The following PPHLN1 variants were observed in gnomAD, a reference collection of about 807,000 sequenced individuals.
The protein encoded by PPHLN1 is periphilin 1, also known as periphilin-1.
In PPHLN1, 29 loss-of-function variants were observed where a neutral mutation model predicts 51.3. The observed-to-expected ratio is 0.57, with a 90% confidence interval of 0.42 to 0.77. PPHLN1 has a LOEUF of 0.77. PPHLN1 is among the 30% of genes least tolerant of loss of function. PPHLN1 has a pLI of 0.00. For missense variants in PPHLN1, 436 were observed against 438.4 expected, an observed-to-expected ratio of 0.99 and a Z score of 0.05; for synonymous variants, 147 against 147.8, an observed-to-expected ratio of 0.99 and a Z score of 0.04.
chr12:42,441,484 C>T lies in PPHLN1; in HGVS notation c.1079C>T (p.Thr360Ile), dbSNP rs1408041063. ...KHFIAEYDTSTQDFGEPF is the reference protein window; with the variant it reads ...KHFIAEYDTSIQDFGEPF Reference sequence around the variant, plus strand: ...TTCATTGCAGAGTATGATACTTCCACTCAAGATTTTGGAGAGCCTTTTTAG... The same window carrying T: ...TTCATTGCAGAGTATGATACTTCCATTCAAGATTTTGGAGAGCCTTTTTAG... The change falls in exon 10 of 10, where the codon ACT (threonine) becomes ATT (isoleucine). Residue 360 changes from threonine (T) to isoleucine (I), a missense_variant. By Grantham distance (89) the Thr-to-Ile change is moderately conservative (BLOSUM62 -1). Transcript: ENST00000358314. 1.3e-6 allele frequency: 2 copies of T among 1,599,854 alleles called. No individual in the cohort carries two copies. Among genetic ancestry groups the T allele is most frequent in the South Asian group, 1.1e-5 (1 of 87,332 alleles).
At chr12:42,444,977 C>T, downstream of PPHLN1, 1 of 688,520 alleles carries the variant, frequency 1.5e-6, no homozygotes, top group Non-Finnish European at 2.6e-6. Context: ...TAATATTGGC[C>T]CTAGAAACTT....
chr12:42,428,662 G>A (rs922670517), intron 9 of PPHLN1, among the ~76,000 whole-genome samples: 2 of 151,990 alleles, frequency 1.3e-5, no homozygotes, highest in African/African-American at 4.8e-5. Flanking sequence ...CACATATTGG[G>A]TGCAGTGTAT....
chr12:42,373,236 T>C (rs909730521), intron 4 of PPHLN1, among the ~76,000 whole-genome samples: 10 of 152,236 alleles, frequency 6.6e-5, no homozygotes, highest in African/African-American at 2.4e-4. Flanking sequence ...TTAATACCCA[T>C]ATCACCACTC....
intron 9 of PPHLN1, among the ~76,000 whole-genome samples, chr12:42,438,479 CAA>C (rs1174802040): frequency 6.6e-6 from 1 of 152,184 alleles, no homozygotes; most frequent in African/African-American, 2.4e-5. Flanking sequence ...TTCCTAATAA[CAA>C]ATGATGTTGA....
chr12:42,398,201 T>C (rs539926487), intron 8 of PPHLN1, among the ~76,000 whole-genome samples: 1 of 152,340 alleles, frequency 6.6e-6, no homozygotes, highest in South Asian at 2.1e-4. Flanking sequence ...ACAGTATATT[T>C]ATTCATTTTT....
At chr12:42,338,523 CAGGAAAGGCTT>C (rs1172846348) in intron 2 of PPHLN1, among the ~76,000 whole-genome samples, 17 of 152,162 alleles carry the variant, frequency 1.1e-4, no homozygotes, top group Admixed American at 1.0e-3. Context: ...GGTTGAGGGA[CAGGAAAGGCTT>C]AGGAAAGGCT....
Position 42,441,218 on chromosome 12 carries a change from T to G in PPHLN1, c.910-97T>G, listed in dbSNP as rs918126240. ...TCCGCTTTCTTTTTTGTGTCTCTCTTTTAGATGTCAGCATCATAATTCTGC... is the reference window on the plus strand; with the variant it reads ...TCCGCTTTCTTTTTTGTGTCTCTCTGTTAGATGTCAGCATCATAATTCTGC... On this transcript the variant is annotated intron_variant, in intron 9 of 9. Transcript: ENST00000358314. The G allele has an allele frequency of 3.5e-6, 5 of 1,431,982 alleles. No homozygotes were observed. In the East Asian group the frequency reaches 9.3e-5, roughly 27 times the overall value. The allele number at this position is 1,431,982 out of a possible 1,614,324, so 88.7% of individuals were successfully genotyped here. A position where few individuals can be genotyped will look rare whatever the true frequency, so the allele number is the denominator to read the frequency against.
downstream of PPHLN1, chr12:42,446,885 A>C (rs749392628): frequency 7.6e-5 from 31 of 408,954 alleles, no homozygotes; most frequent in Non-Finnish European, 1.2e-4. Context: ...TATCTAGATA[A>C]GTTTGTTTAC....
At chr12:42,326,716 C>T (rs1241656442) in intron 1 of PPHLN1, among the ~76,000 whole-genome samples, 1 of 152,042 alleles carries the variant, frequency 6.6e-6, no homozygotes, top group Non-Finnish European at 1.5e-5. Context: ...ATCTTCTTGG[C>T]ACCTTTTCTC....
intron 9 of PPHLN1, among the ~76,000 whole-genome samples, chr12:42,436,487 C>T (rs950444316): frequency 3.3e-5 from 5 of 152,234 alleles, no homozygotes; most frequent in Non-Finnish European, 7.3e-5. Flanking sequence ...CTGGTTGTCT[C>T]ATGAGTGCCT....
At chr12:42,361,011 TTTGCCTGAGTTAA>T (rs1178088866) in intron 4 of PPHLN1, among the ~76,000 whole-genome samples, 1 of 152,162 alleles carries the variant, frequency 6.6e-6, no homozygotes, top group African/African-American at 2.4e-5. Context: ...CACTGATGGT[TTTGCCTGAGTTAA>T]TTATCAATAT....
intron 4 of PPHLN1, among the ~76,000 whole-genome samples, chr12:42,363,795 A>G (rs1269978829): frequency 6.6e-6 from 1 of 152,240 alleles, no homozygotes; most frequent in Non-Finnish European, 1.5e-5. Flanking sequence ...ACATACTTAT[A>G]GATGAAATTC....
intron 4 of PPHLN1, among the ~76,000 whole-genome samples, chr12:42,356,199 G>A (rs1389461921): frequency 2.0e-5 from 3 of 152,210 alleles, no homozygotes; most frequent in Non-Finnish European, 4.4e-5. Context: ...GGCATCAACT[G>A]TCACAACTCC....
At chr12:42,416,294 T>TTGA (rs2139610276) in intron 9 of PPHLN1, among the ~76,000 whole-genome samples, 1 of 152,338 alleles carries the variant, frequency 6.6e-6, no homozygotes, top group African/African-American at 2.4e-5. Context: ...TAGAAGGAGC[T>TTGA]TGAATAGTCT....
At chr12:42,420,260 TTAAA>T (rs1157030648) in intron 9 of PPHLN1, among the ~76,000 whole-genome samples, 1 of 152,182 alleles carries the variant, frequency 6.6e-6, no homozygotes, top group African/African-American at 2.4e-5. Context: ...AATATACTTC[TTAAA>T]TAGTGTCATC....
At chr12:42,420,811 CA>C (rs1375023281) in intron 9 of PPHLN1, among the ~76,000 whole-genome samples, 2 of 150,854 alleles carry the variant, frequency 1.3e-5, no homozygotes, top group Non-Finnish European at 2.9e-5. Flanking sequence ...TTTTATTTGT[CA>C]AAAACAAAAC....
At chr12:42,370,157 G>A (rs2075668869) in intron 4 of PPHLN1, among the ~76,000 whole-genome samples, 1 of 152,042 alleles carries the variant, frequency 6.6e-6, no homozygotes, top group Non-Finnish European at 1.5e-5. Context: ...TTAACATTTC[G>A]TGTGCATAGG....
rs139756380 is a variant in PPHLN1, at chr12:42,407,518, C to T, written c.909+8524C>T. Among the ~76,000 whole-genome samples the T allele has an allele frequency of 2.0e-4, 31 of 152,328 alleles. No homozygotes were observed. The East Asian group carries it at 6.0e-3, about 29-fold the overall frequency. On this transcript the variant is annotated intron_variant, in intron 9 of 9. Transcript: ENST00000358314. ...CACATACCATCACTTCTGCCTTGTT[C>T]TGTCCATTAGAAGTGAGTCACTAAG... is the stretch of plus-strand genomic sequence containing the variant.
intron 7 of PPHLN1, among the ~76,000 whole-genome samples, chr12:42,389,574 C>T (rs886876341): frequency 6.6e-6 from 1 of 152,062 alleles, no homozygotes; most frequent in Non-Finnish European, 1.5e-5. Context: ...AAACAAAAAA[C>T]AAAACCGCTT....
Sources: gnomAD v4.1 joint callset for allele counts (sites outside exome capture counted in the v4.1 genomes callset) on GRCh38, gnomAD v4.1.1 for gene constraint, MANE v1.5 for transcripts, NCBI Gene and HGNC (gene_info 2026-07-23, HGNC 2026-07-21) for gene names.